TMEM117: variants seen among roughly 807,000 people sequenced by gnomAD.
The protein encoded by TMEM117 is transmembrane protein 117.
TMEM117 carries 27 observed loss-of-function variants against 52.4 expected under a neutral mutation model. The observed-to-expected ratio is 0.51, with a 90% CI of 0.38 to 0.71. The LOEUF (loss-of-function observed/expected upper bound fraction) is 0.71. TMEM117 is among the 30% of genes least tolerant of loss of function. The pLI, the probability that TMEM117 is intolerant of heterozygous loss-of-function variation, is 0.00. For missense variants in TMEM117, 556 were observed against 630.5 expected (o/e 0.88, Z 1.26); for synonymous variants, 215 against 206.3 (o/e 1.04, Z -0.36).
chr12:44,383,022 A>T (rs1397775597), intron 7 of TMEM117, among the ~76,000 whole-genome samples: 1 of 152,122 alleles, frequency 6.6e-6, no homozygotes, highest in Non-Finnish European at 1.5e-5. Flanking sequence ...TCTTTTACTT[A>T]TCCAAAATTC....
In TMEM117 at chr12:44,063,423, A is replaced by C. The variant is rs55657021; in HGVS notation, c.411-80102A>C. ...TGCCAGTTGAAAAAAGAAAGTTCCT[A>C]TGTGGTTAAATAGAATCCAAATTTG... On this transcript the variant is annotated intron_variant, in intron 3 of 7. Coordinates refer to ENST00000266534, the MANE Select transcript of TMEM117 (RefSeq NM_032256.3). Among the ~76,000 whole-genome samples the C allele has an allele frequency of 3.3e-5, 5 of 152,002 alleles. No individual in the cohort carries two copies. In the East Asian group the frequency reaches 9.7e-4, roughly 29 times the overall value.
At chr12:43,952,390 A>G (rs1945238830) in intron 3 of TMEM117, among the ~76,000 whole-genome samples, 1 of 152,102 alleles carries the variant, frequency 6.6e-6, no homozygotes, top group African/African-American at 2.4e-5. Flanking sequence ...GCTAAGACCC[A>G]TGATAAAACA....
chr12:43,838,666 ACTTACT>A lies in TMEM117; in HGVS notation c.-29+2477_-29+2482del, dbSNP rs1279941170. 2.7e-5 allele frequency among the ~76,000 whole-genome samples: 4 copies of A among 148,154 alleles called. No homozygotes were observed. The Admixed American group carries it at 2.8e-4, about 10-fold the overall frequency. ...TACTAGATTCAAGTCATCACTTAGT[ACTTACT>A]CTTACTTCCTTCCCATTGGAATTTT... On this transcript the variant is annotated intron_variant, in intron 1 of 7. Transcript: ENST00000266534.
chr12:44,239,110 A>G (rs1950032322), intron 5 of TMEM117, among the ~76,000 whole-genome samples: 1 of 152,104 alleles, frequency 6.6e-6, no homozygotes, highest in African/African-American at 2.4e-5. Flanking sequence ...TATTTATTCT[A>G]GGTTCAGAGT....
chr12:44,046,880 G>A (rs185061990), intron 3 of TMEM117, among the ~76,000 whole-genome samples: 9 of 152,230 alleles, frequency 5.9e-5, no homozygotes, highest in Admixed American at 2.6e-4. Flanking sequence ...GGGGATTGAT[G>A]TGTTTCCAGT....
intron 5 of TMEM117, among the ~76,000 whole-genome samples, chr12:44,255,628 AAGC>A (rs1033882097): frequency 6.6e-6 from 1 of 152,130 alleles, no homozygotes; most frequent in African/African-American, 2.4e-5. Flanking sequence ...TTAATTGTAA[AAGC>A]AGGATATAAA....
At chr12:44,379,407 C>T (rs748197139) in intron 7 of TMEM117, among the ~76,000 whole-genome samples, 1 of 152,092 alleles carries the variant, frequency 6.6e-6, no homozygotes, top group Non-Finnish European at 1.5e-5. Flanking sequence ...AAGGGTTCCA[C>T]CATAAACAAA....
intron 3 of TMEM117, among the ~76,000 whole-genome samples, chr12:44,096,307 C>A (rs1297421330): frequency 6.6e-6 from 1 of 152,038 alleles, no homozygotes; most frequent in Non-Finnish European, 1.5e-5. Context: ...TTTATAGATT[C>A]AATGCCATCC....
rs554045723 is a variant in TMEM117, at chr12:43,987,472, TG to T, written c.410+43131del. Among the ~76,000 whole-genome samples, 572 of 152,286 alleles carry T rather than the reference TG, an allele frequency of 3.8e-3. 2 individuals are homozygous for T. The highest frequency in any genetic ancestry group is 0.013 in the African/African-American group (545 of 41,576). ...TTCTAGCTTTTTATTTCTGTTATCTTGTCCCTATGATACTCACATTGTCTTG... is the reference window on the plus strand; with the variant it reads ...TTCTAGCTTTTTATTTCTGTTATCTTTCCCTATGATACTCACATTGTCTTG... On this transcript the variant is annotated intron_variant, in intron 3 of 7. Coordinates refer to ENST00000266534, the MANE Select transcript of TMEM117 (RefSeq NM_032256.3).
intron 3 of TMEM117, among the ~76,000 whole-genome samples, chr12:44,120,245 T>C (rs752316301): frequency 6.6e-6 from 1 of 151,952 alleles, no homozygotes; most frequent in Non-Finnish European, 1.5e-5. Context: ...GATGGCTGTC[T>C]TCTATTCTTA....
chr12:44,281,462 T>C (rs964564850), intron 5 of TMEM117, among the ~76,000 whole-genome samples: 2 of 152,166 alleles, frequency 1.3e-5, no homozygotes, highest in Non-Finnish European at 2.9e-5. Context: ...CATACTCTTG[T>C]TCTTAGCCTT....
the TMEM117 span, among the ~76,000 whole-genome samples, chr12:43,809,232 T>C: frequency 6.6e-6 from 1 of 152,270 alleles, no homozygotes; most frequent in Non-Finnish European, 1.5e-5. Flanking sequence ...GTTTCTTCTC[T>C]GAATTGAAAC....
intron 3 of TMEM117, among the ~76,000 whole-genome samples, chr12:44,021,685 T>C (rs993269172): frequency 7.9e-5 from 12 of 152,214 alleles, no homozygotes; most frequent in African/African-American, 2.9e-4. Context: ...AATAAAGACA[T>C]GAAACCCTGC....
chr12:43,948,222 C>T (rs941262494), intron 3 of TMEM117, among the ~76,000 whole-genome samples: 8 of 152,074 alleles, frequency 5.3e-5, no homozygotes, highest in Non-Finnish European at 7.4e-5. Flanking sequence ...TGTAGCACCA[C>T]GAGGAAAAAC....
intron 2 of TMEM117, among the ~76,000 whole-genome samples, chr12:43,891,529 T>C (rs1373193434): frequency 6.6e-6 from 1 of 151,752 alleles, no homozygotes; most frequent in Admixed American, 6.6e-5. Context: ...CCCACCACCA[T>C]GCCCGGCTAA....
At chr12:44,187,153 T>C (rs2138332633) in intron 4 of TMEM117, among the ~76,000 whole-genome samples, 1 of 151,520 alleles carries the variant, frequency 6.6e-6, no homozygotes, top group East Asian at 1.9e-4. Context: ...AACTATTTAA[T>C]ATATATGTGC....
the TMEM117 span, among the ~76,000 whole-genome samples, chr12:43,813,979 T>G: frequency 1.3e-5 from 2 of 152,072 alleles, no homozygotes; most frequent in African/African-American, 4.8e-5. Flanking sequence ...AGATCCCTAG[T>G]AGATTTTCAG....
intron 6 of TMEM117, among the ~76,000 whole-genome samples, chr12:44,332,567 TGA>T (rs1289018064): frequency 6.6e-6 from 1 of 152,084 alleles, no homozygotes; most frequent in Admixed American, 6.6e-5. Context: ...TCAAGCACTG[TGA>T]GAGTTCTATC....
rs1215416958 is a variant in TMEM117 at position 44,180,600 on chromosome 12, G to A, written c.511-30690G>A. 3.4e-5 allele frequency among the ~76,000 whole-genome samples: 5 copies of A among 147,340 alleles called. No individual in the cohort carries two copies. In the East Asian group the frequency reaches 8.1e-4, roughly 24 times the overall value. The stretch of plus-strand genomic sequence containing the variant: ...TTCCCACCTATGAGTGAGAATATGC[G>A]GTGTCTGGTTTTTTGTTCTTGTGAT... On this transcript the variant is annotated intron_variant, in intron 4 of 7. Coordinates refer to ENST00000266534, the MANE Select transcript of TMEM117 (RefSeq NM_032256.3).
Sources: allele counts gnomAD v4.1 joint callset (sites outside exome capture counted in the v4.1 genomes callset), GRCh38; gene constraint gnomAD v4.1.1; transcripts MANE v1.5; gene names NCBI Gene and HGNC (gene_info 2026-07-23, HGNC 2026-07-21).